The following CADPS2 variants were observed in gnomAD, a reference collection of about 807,000 sequenced individuals.
CADPS2 encodes calcium dependent secretion activator 2.
In CADPS2, 93 loss-of-function variants were observed where a neutral mutation model predicts 172.5. That is an observed-to-expected ratio of 0.54 (90% confidence interval 0.46 to 0.64). The LOEUF (loss-of-function observed/expected upper bound fraction) is 0.64. CADPS2 is among the 30% of genes least tolerant of loss of function. The probability of loss-of-function intolerance (pLI) is 0.00; values close to 1 mark genes in which losing one functional copy is unlikely to be tolerated. For missense variants in CADPS2, 1,420 were observed against 1,565.9 expected, an observed-to-expected ratio of 0.91 and a Z score of 1.57; for synonymous variants, 546 against 555.2, an observed-to-expected ratio of 0.98 and a Z score of 0.23.
chr7:122,624,195 T>C (rs2075864044), intron 4 of CADPS2, among the ~76,000 whole-genome samples: 1 of 152,172 alleles, frequency 6.6e-6, no homozygotes, highest in African/African-American at 2.4e-5. Flanking sequence ...ATCAGACAAA[T>C]GTACATTTTA....
At chr7:122,653,041 A>G (rs2079344552) in intron 3 of CADPS2, among the ~76,000 whole-genome samples, 1 of 152,178 alleles carries the variant, frequency 6.6e-6, no homozygotes, top group Admixed American at 6.6e-5. Flanking sequence ...AAGCTCTGGA[A>G]CAAAGGATAT....
intron 9 of CADPS2, among the ~76,000 whole-genome samples, chr7:122,510,909 T>C (rs1017643173): frequency 2.0e-5 from 3 of 152,180 alleles, no homozygotes; most frequent in African/African-American, 7.2e-5. Flanking sequence ...AAGATTCACT[T>C]GTGTTTAAAA....
rs1491220994 is a variant in CADPS2 at position 122,477,081 on chromosome 7, AGG to A, written c.1862-2566_1862-2565del. The stretch of plus-strand genomic sequence containing the variant: ...GAGAGAGAGAGAGAGAGAGAGAGAG[AGG>A]GAGAGAGAGAGGTAGGTAGATAGGC... On this transcript the variant is annotated intron_variant, in intron 12 of 29. Coordinates refer to ENST00000449022, the MANE Select transcript of CADPS2 (RefSeq NM_017954.11). Among the ~76,000 whole-genome samples the A allele has an allele frequency of 2.4e-4, 34 of 139,602 alleles. 1 individual carries two copies. The highest frequency in any genetic ancestry group is 4.5e-4 in the East Asian group (2 of 4,454). 91.6% of individuals were successfully genotyped at this position (139,602 alleles called of 152,430 possible). A position where few individuals can be genotyped will look rare whatever the true frequency, so the allele number is the denominator to read the frequency against.
chr7:122,698,040 G>T, intron 2 of CADPS2: 2 of 1,613,826 alleles, frequency 1.2e-6, no homozygotes, highest in Non-Finnish European at 1.7e-6. Flanking sequence ...TGCAAATGGG[G>T]CATGTCCCAT....
intron 2 of CADPS2, among the ~76,000 whole-genome samples, chr7:122,721,957 C>T (rs140236573): frequency 0.038 from 5,834 of 152,060 alleles, 167 homozygotes; most frequent in Non-Finnish European, 0.055. Context: ...ATTATCTCAA[C>T]AGATGCAGAA....
intron 3 of CADPS2, among the ~76,000 whole-genome samples, chr7:122,656,535 T>C (rs902857995): frequency 6.6e-6 from 1 of 152,150 alleles, no homozygotes; most frequent in Non-Finnish European, 1.5e-5. Flanking sequence ...GCAATCCTCC[T>C]AGACCAGGGA....
At chr7:122,819,865 C>T (rs1198182537) in intron 1 of CADPS2, among the ~76,000 whole-genome samples, 1 of 152,060 alleles carries the variant, frequency 6.6e-6, no homozygotes, top group African/African-American at 2.4e-5. Flanking sequence ...GCACCCCTTA[C>T]CATCTCATTA....
At chr7:122,518,661 T>A (rs1302335413) in intron 8 of CADPS2, among the ~76,000 whole-genome samples, 1 of 152,024 alleles carries the variant, frequency 6.6e-6, no homozygotes, top group African/African-American at 2.4e-5. Flanking sequence ...GCTGAGTCAT[T>A]ACTACCTTCC....
At chr7:122,632,675 G>A (rs896688370) in intron 3 of CADPS2, among the ~76,000 whole-genome samples, 9 of 152,036 alleles carry the variant, frequency 5.9e-5, no homozygotes, top group Admixed American at 3.9e-4. Context: ...AATTTCTTTC[G>A]CTGTGCAGAA....
At chr7:122,826,103 C>T (rs1466051015) in intron 1 of CADPS2, among the ~76,000 whole-genome samples, 1 of 152,176 alleles carries the variant, frequency 6.6e-6, no homozygotes, top group African/African-American at 2.4e-5. Flanking sequence ...GAAGTGGTGA[C>T]AGAGTAGGCC....
chr7:122,692,928 C>G (rs535161894), intron 2 of CADPS2, among the ~76,000 whole-genome samples: 1 of 152,352 alleles, frequency 6.6e-6, no homozygotes, highest in African/African-American at 2.4e-5. Flanking sequence ...ACAAGTGTGC[C>G]TATACAGTGT....
intron 17 of CADPS2, chr7:122,424,454 G>T: frequency 3.2e-6 from 1 of 311,868 alleles, no homozygotes; most frequent in Non-Finnish European, 4.7e-6. Flanking sequence ...GTCTCCATAA[G>T]CCAACAGTAA....
At chr7:122,588,050 A>T (rs965974569) in intron 6 of CADPS2, among the ~76,000 whole-genome samples, 3 of 151,356 alleles carry the variant, frequency 2.0e-5, no homozygotes, top group Admixed American at 6.6e-5. Flanking sequence ...CCACTTTTAA[A>T]TTTTTTTTCT....
intron 8 of CADPS2, among the ~76,000 whole-genome samples, chr7:122,534,845 A>G (rs937310300): frequency 6.6e-5 from 10 of 152,156 alleles, no homozygotes; most frequent in Admixed American, 1.3e-4. Context: ...GCCACTAAGA[A>G]AAGAAGCAAA....
At chr7:122,580,648 A>G (rs2068690405) in intron 7 of CADPS2, among the ~76,000 whole-genome samples, 1 of 152,102 alleles carries the variant, frequency 6.6e-6, no homozygotes, top group Non-Finnish European at 1.5e-5. Context: ...AAACATATAT[A>G]TATTCTAGGT....
At chr7:122,783,771 A>C (rs1301390592) in intron 1 of CADPS2, among the ~76,000 whole-genome samples, 1 of 152,208 alleles carries the variant, frequency 6.6e-6, no homozygotes, top group East Asian at 1.9e-4. Context: ...ACTGAGGTAC[A>C]TCAAAGGTTA....
intron 1 of CADPS2, among the ~76,000 whole-genome samples, chr7:122,761,698 A>G (rs962501952): frequency 6.6e-6 from 1 of 151,882 alleles, no homozygotes; most frequent in Non-Finnish European, 1.5e-5. Flanking sequence ...AAAGCTCTTG[A>G]AAATTAAAAA....
intron 1 of CADPS2, among the ~76,000 whole-genome samples, chr7:122,784,514 G>A (rs1430780462): frequency 1.3e-5 from 2 of 152,170 alleles, no homozygotes; most frequent in Admixed American, 6.5e-5. Context: ...ATATGTGGGT[G>A]ATACTTTCTG....
intron 3 of CADPS2, among the ~76,000 whole-genome samples, chr7:122,653,343 G>A (rs1309859537): frequency 6.6e-6 from 1 of 152,124 alleles, no homozygotes; most frequent in Non-Finnish European, 1.5e-5. Flanking sequence ...GAGAAGGTGG[G>A]GTAAATCTCA....
Sources: gnomAD v4.1 joint callset for allele counts (sites outside exome capture counted in the v4.1 genomes callset) on GRCh38, gnomAD v4.1.1 for gene constraint, MANE v1.5 for transcripts, NCBI Gene and HGNC (gene_info 2026-07-23, HGNC 2026-07-21) for gene names.